The following CACNA2D3 variants were observed in gnomAD, a reference collection of about 807,000 sequenced individuals.
The protein encoded by CACNA2D3 is voltage-dependent calcium channel subunit alpha-2/delta-3.
In CACNA2D3, 60 loss-of-function variants were observed where a neutral mutation model predicts 160.6. The ratio of observed to expected loss-of-function variants is 0.37; its 90% CI spans 0.30 to 0.46. The LOEUF (loss-of-function observed/expected upper bound fraction) is 0.46, where lower values mean the gene tolerates loss of function less well. CACNA2D3 is among the 20% of genes least tolerant of loss of function. CACNA2D3 has a pLI of 1.00. For synonymous variants in CACNA2D3, 558 were observed against 492.9 expected (o/e 1.13, Z -1.75); for missense variants, 1,205 against 1,365.0 (o/e 0.88, Z 1.85).
intron 11 of CACNA2D3, among the ~76,000 whole-genome samples, chr3:54,665,074 G>A (rs1038893558): frequency 6.6e-6 from 1 of 152,128 alleles, no homozygotes; most frequent in African/African-American, 2.4e-5. Context: ...AATATATCGG[G>A]CTGACCTAAG....
intron 2 of CACNA2D3, among the ~76,000 whole-genome samples, chr3:54,300,710 G>A (rs1363442831): frequency 6.6e-6 from 1 of 152,176 alleles, no homozygotes; most frequent in Non-Finnish European, 1.5e-5. Flanking sequence ...GGTCAGTGGG[G>A]TCTTTTTAAA....
At chr3:54,614,791 C>T (rs1376100770) in intron 9 of CACNA2D3, among the ~76,000 whole-genome samples, 1 of 152,024 alleles carries the variant, frequency 6.6e-6, no homozygotes, top group Non-Finnish European at 1.5e-5. Flanking sequence ...GCCTTGGTAG[C>T]AAGTCTGAAG....
At chr3:54,822,565 C>T (rs1703629057) in intron 14 of CACNA2D3, among the ~76,000 whole-genome samples, 2 of 152,110 alleles carry the variant, frequency 1.3e-5, no homozygotes, top group Non-Finnish European at 2.9e-5. Flanking sequence ...CACTTGAGGC[C>T]TGAAATAAAT....
intron 9 of CACNA2D3, among the ~76,000 whole-genome samples, chr3:54,625,169 C>T (rs1207864259): frequency 6.6e-6 from 1 of 152,172 alleles, no homozygotes; most frequent in Non-Finnish European, 1.5e-5. Context: ...ATTTGATCAT[C>T]CCCTGAAGAC....
intron 2 of CACNA2D3, among the ~76,000 whole-genome samples, chr3:54,268,288 CA>C (rs1243468738): frequency 1.3e-5 from 2 of 152,178 alleles, no homozygotes; most frequent in African/African-American, 4.8e-5. Context: ...CTGCTGATAC[CA>C]TGTCCAGTGG....
At chr3:54,691,680 C>G (rs1020929361) in intron 11 of CACNA2D3, among the ~76,000 whole-genome samples, 1 of 152,204 alleles carries the variant, frequency 6.6e-6, no homozygotes, top group Non-Finnish European at 1.5e-5. Flanking sequence ...TTCCTTCAGA[C>G]CCCAGTGGCT....
chr3:54,219,407 GCT>G (rs1701524669), intron 2 of CACNA2D3, among the ~76,000 whole-genome samples: 1 of 152,072 alleles, frequency 6.6e-6, no homozygotes, highest in East Asian at 1.9e-4. Flanking sequence ...TGGGATATCC[GCT>G]CTGTTTTTCT....
chr3:54,963,073 C>T (rs1476173276), intron 27 of CACNA2D3, among the ~76,000 whole-genome samples: 1 of 152,066 alleles, frequency 6.6e-6, no homozygotes, highest in Non-Finnish European at 1.5e-5. Flanking sequence ...AACATAATAG[C>T]ACTGCAAATG....
At chr3:54,710,305 C>T (rs1700931400) in intron 11 of CACNA2D3, among the ~76,000 whole-genome samples, 2 of 152,144 alleles carry the variant, frequency 1.3e-5, no homozygotes, top group Non-Finnish European at 2.9e-5. Context: ...CCTGTGTTGC[C>T]ATAACAATAA....
At chr3:54,981,445 G>T (rs1702505733) in intron 29 of CACNA2D3, among the ~76,000 whole-genome samples, 2 of 151,942 alleles carry the variant, frequency 1.3e-5, no homozygotes, top group African/African-American at 4.8e-5. Flanking sequence ...CCTTTACAGA[G>T]AATTTTTACC....
At chr3:55,028,685 C>G (rs757852827) in intron 35 of CACNA2D3, among the ~76,000 whole-genome samples, 5 of 152,178 alleles carry the variant, frequency 3.3e-5, no homozygotes, top group Non-Finnish European at 5.9e-5. Context: ...ACTTTAAACA[C>G]ATGTAACATT....
intron 11 of CACNA2D3, among the ~76,000 whole-genome samples, chr3:54,743,419 A>G (rs985209476): frequency 9.9e-5 from 15 of 152,132 alleles, no homozygotes; most frequent in Non-Finnish European, 2.2e-4. Flanking sequence ...AGAAAGCCAG[A>G]AGGAGTTGGT....
intron 4 of CACNA2D3, among the ~76,000 whole-genome samples, chr3:54,453,833 C>T (rs755237408): frequency 9.2e-5 from 14 of 152,144 alleles, no homozygotes; most frequent in African/African-American, 2.4e-4. Flanking sequence ...ATTATTAGTT[C>T]GAGCTGTGCA....
intron 2 of CACNA2D3, among the ~76,000 whole-genome samples, chr3:54,170,933 A>C (rs529750072): frequency 7.9e-5 from 12 of 152,056 alleles, no homozygotes; most frequent in African/African-American, 2.9e-4. Flanking sequence ...ATTTTTATGA[A>C]CCTTATGCTG....
chr3:54,327,603 A>G (rs969447999), intron 3 of CACNA2D3, among the ~76,000 whole-genome samples: 1 of 152,230 alleles, frequency 6.6e-6, no homozygotes, highest in African/African-American at 2.4e-5. Flanking sequence ...AGAAGCACCC[A>G]TGTGTTTTTT....
chr3:54,949,669 CT>C (rs1047885251), intron 27 of CACNA2D3, among the ~76,000 whole-genome samples: 5 of 152,186 alleles, frequency 3.3e-5, no homozygotes, highest in Non-Finnish European at 2.9e-5. Context: ...AAACAGTAAC[CT>C]GAAAAACCGC....
chr3:54,250,298 T>C (rs1191861674), intron 2 of CACNA2D3, among the ~76,000 whole-genome samples: 1 of 152,172 alleles, frequency 6.6e-6, no homozygotes, highest in Non-Finnish European at 1.5e-5. Context: ...TTAAGTGTTT[T>C]CACCACAAAA....
At chr3:54,865,508 G>A (rs1049850538) in intron 17 of CACNA2D3, among the ~76,000 whole-genome samples, 1 of 152,222 alleles carries the variant, frequency 6.6e-6, no homozygotes. Flanking sequence ...TGAGTCTGTT[G>A]CAACCAGAGG....
intron 17 of CACNA2D3, among the ~76,000 whole-genome samples, chr3:54,865,422 T>C (rs1270839970): frequency 2.6e-5 from 4 of 152,192 alleles, no homozygotes; most frequent in Non-Finnish European, 5.9e-5. Context: ...GCCCCCCACC[T>C]TCCCGCTACT....
Sources: gnomAD v4.1 joint callset for allele counts (sites outside exome capture counted in the v4.1 genomes callset) on GRCh38, gnomAD v4.1.1 for gene constraint, MANE v1.5 for transcripts, NCBI Gene and HGNC (gene_info 2026-07-23, HGNC 2026-07-21) for gene names.